Variants in PIEZO2 observed in about 807,000 individuals in gnomAD.
The protein encoded by PIEZO2 is piezo type mechanosensitive ion channel component 2.
PIEZO2 carries 172 observed loss-of-function variants against 337.3 expected under a neutral mutation model. The observed-to-expected ratio is 0.51, with a 90% CI of 0.45 to 0.58. PIEZO2 has a LOEUF of 0.58. Ranked by LOEUF, PIEZO2 falls within the 20% of genes least tolerant of loss-of-function variation. The pLI, the probability that PIEZO2 is intolerant of heterozygous loss-of-function variation, is 0.00. For synonymous variants in PIEZO2, 1,251 were observed against 1,228.5 expected (o/e 1.02, Z -0.38); for missense variants, 3,028 against 3,391.3 (o/e 0.89, Z 2.66).
rs1383434938 is a variant in PIEZO2 at position 10,982,394 on chromosome 18, A to G, written c.161-2734T>C. On this transcript the variant is annotated intron_variant, in intron 2 of 55. Coordinates refer to ENST00000674853, the MANE Select transcript of PIEZO2 (RefSeq NM_001378183.1). This position sits in a 1 kb window ranked among gnomAD's most constrained non-coding sequence, Gnocchi z 4.1. ...TAAAAAAAAAATAGAAAAACAAATAATAGGTATAAATAAGTGAAGAGATCT... is the reference window on the plus strand; with the variant it reads ...TAAAAAAAAAATAGAAAAACAAATAGTAGGTATAAATAAGTGAAGAGATCT... Among the ~76,000 whole-genome samples, 1 of 152,194 alleles carries G rather than the reference A, an allele frequency of 6.6e-6. No homozygotes were observed. Among genetic ancestry groups the G allele is most frequent in the Non-Finnish European group, 1.5e-5 (1 of 68,030 alleles).
At position 10,837,690 on chromosome 18, in the gene PIEZO2, C is replaced by CA. The variant is rs1201529330; in HGVS notation, c.917+17662dup. Among the ~76,000 whole-genome samples the CA allele has an allele frequency of 6.6e-6, 1 of 152,160 alleles. No homozygotes were observed. The highest frequency in any genetic ancestry group is 1.5e-5 in the Non-Finnish European group (1 of 68,034). ...ATACCATCAAAAAGGCATGGGTAGT[C>CA]AGATATCCTCACAAAGCAATGTTTG... On this transcript the variant is annotated intron_variant, in intron 7 of 55. Transcript: ENST00000674853. The surrounding 1 kb of genome is among the most constrained non-coding windows in gnomAD (Gnocchi z 4.4).
rs1315708102 is a variant in PIEZO2, at chr18:11,149,164, G to A, written c.-576C>T. 1.3e-5 allele frequency among the ~76,000 whole-genome samples: 2 copies of A among 152,152 alleles called. No homozygotes were observed. Among genetic ancestry groups the A allele is most frequent in the South Asian group, 2.1e-4 (1 of 4,818 alleles). ...CTCGGAGCTGCCCGGCGGGCTCCGG[G>A]TCTCGCCCTCCAGCCCCCAGGCGGC... On this transcript the variant is annotated 5_prime_UTR_variant, in exon 1 of 56. Coordinates refer to ENST00000674853, the MANE Select transcript of PIEZO2 (RefSeq NM_001378183.1). This position sits in a 1 kb window ranked among gnomAD's most constrained non-coding sequence, Gnocchi z 8.7.
At chr18:10,910,172 G>T (rs988995566) in intron 4 of PIEZO2, among the ~76,000 whole-genome samples, 2 of 152,194 alleles carry the variant, frequency 1.3e-5, no homozygotes, top group Admixed American at 1.3e-4. Flanking sequence ...AAATTAAAAT[G>T]ACTTTTTTTC....
At chr18:10,923,477 C>T (rs1247821872) in intron 3 of PIEZO2, among the ~76,000 whole-genome samples, 2 of 151,900 alleles carry the variant, frequency 1.3e-5, no homozygotes, top group African/African-American at 2.4e-5. Flanking sequence ...GACTGTGGTC[C>T]GGTGCAGCAG....
chr18:11,126,814 A>T lies in PIEZO2; in HGVS notation c.64+21711T>A, dbSNP rs551087111. On this transcript the variant is annotated intron_variant, in intron 1 of 55. Coordinates refer to ENST00000674853, the MANE Select transcript of PIEZO2 (RefSeq NM_001378183.1). This position sits in a 1 kb window ranked among gnomAD's most constrained non-coding sequence, Gnocchi z 4.6. Reference sequence around the variant, plus strand: ...CTATTTTTTTTTTAAAGCCCCAGTGACCCTATGAGGTAGTTACTTTTATTG... The same window carrying T: ...CTATTTTTTTTTTAAAGCCCCAGTGTCCCTATGAGGTAGTTACTTTTATTG... Among the ~76,000 whole-genome samples the T allele has an allele frequency of 2.0e-5, 3 of 151,952 alleles. No individual in the cohort carries two copies. The highest frequency in any genetic ancestry group is 4.4e-5 in the Non-Finnish European group (3 of 67,998).
chr18:11,142,432 C>T (rs1042836219), intron 1 of PIEZO2, among the ~76,000 whole-genome samples: 1 of 152,146 alleles, frequency 6.6e-6, no homozygotes, highest in Non-Finnish European at 1.5e-5. Context: ...TCTGGAAGGT[C>T]AAGTGGAAGC....
intron 51 of PIEZO2, 30 bp from the exon 52 acceptor site, chr18:10,680,401 T>G: frequency 6.3e-7 from 1 of 1,576,816 alleles, no homozygotes; most frequent in Non-Finnish European, 8.7e-7. Flanking sequence ...CATGCATAAA[T>G]AGATTATATG....
At chr18:11,093,138 T>C (rs1382272139) in intron 1 of PIEZO2, among the ~76,000 whole-genome samples, 2 of 152,174 alleles carry the variant, frequency 1.3e-5, no homozygotes, top group Non-Finnish European at 2.9e-5. Context: ...GTTAGGTAGC[T>C]TAGCTAAAAA....
chr18:10,695,098 T>C (rs1460157094), intron 47 of PIEZO2, among the ~76,000 whole-genome samples: 5 of 152,252 alleles, frequency 3.3e-5, no homozygotes, highest in Non-Finnish European at 7.3e-5. Flanking sequence ...TTTCATAACC[T>C]GACAAAGCAG....
At chr18:11,063,586 G>A (rs1410055639) in intron 2 of PIEZO2, among the ~76,000 whole-genome samples, 1 of 152,142 alleles carries the variant, frequency 6.6e-6, no homozygotes, top group African/African-American at 2.4e-5. Flanking sequence ...CAAATGGTGG[G>A]CAGAGGGCCA....
rs758177628 is a variant in PIEZO2 at position 10,936,959 on chromosome 18, C to T, written c.287-25731G>A. The stretch of plus-strand genomic sequence containing the variant: ...AATCCCCCCATGACTTCTTCCCTTA[C>T]GGTCCTGGAGATCTGGGAAGTTTTT... On this transcript the variant is annotated intron_variant, in intron 3 of 55. Transcript: ENST00000674853. Among the ~76,000 whole-genome samples the T allele has an allele frequency of 5.3e-4, 80 of 152,264 alleles. No homozygotes were observed. In the Middle Eastern group the frequency reaches 0.014, roughly 26 times the overall value.
At chr18:11,103,191 T>G (rs1237665270) in intron 1 of PIEZO2, among the ~76,000 whole-genome samples, 1 of 152,230 alleles carries the variant, frequency 6.6e-6, no homozygotes, top group Non-Finnish European at 1.5e-5. Context: ...ATAAAAACTA[T>G]GTGTTTTATA....
chr18:11,017,689 C>T (rs953429738), intron 2 of PIEZO2, among the ~76,000 whole-genome samples: 2 of 152,182 alleles, frequency 1.3e-5, no homozygotes, highest in Non-Finnish European at 2.9e-5. Flanking sequence ...CTTCCCTCTG[C>T]CTGGAACATT....
chr18:10,772,888 A>G (rs2038653324), intron 20 of PIEZO2, among the ~76,000 whole-genome samples: 3 of 152,218 alleles, frequency 2.0e-5, no homozygotes, highest in Admixed American at 2.0e-4. Flanking sequence ...AATATTGACA[A>G]AAACATCTCT....
At position 10,766,697 on chromosome 18, in the gene PIEZO2, C is replaced by T. The variant is rs1437659460; in HGVS notation, c.2946+3451G>A. Among the ~76,000 whole-genome samples the T allele has an allele frequency of 6.6e-6, 1 of 152,202 alleles. No individual in the cohort carries two copies. Among genetic ancestry groups the T allele is most frequent in the African/African-American group, 2.4e-5 (1 of 41,454 alleles). On this transcript the variant is annotated intron_variant, in intron 21 of 55. Coordinates refer to ENST00000674853, the MANE Select transcript of PIEZO2 (RefSeq NM_001378183.1). The surrounding 1 kb of genome is among the most constrained non-coding windows in gnomAD (Gnocchi z 6.1). ...GCAACCGCCTGCAAGAGATACTCCT[C>T]CCTGTGCAGCAAGTGCTCACTGTGG... is the stretch of plus-strand genomic sequence containing the variant.
At chr18:10,737,285 G>C (rs200398633) in intron 33 of PIEZO2, among the ~76,000 whole-genome samples, 1 of 64,216 alleles carries the variant, frequency 1.6e-5, no homozygotes, top group African/African-American at 1.3e-4. Context: ...CAAGACATTT[G>C]AAAAAAAAAA....
intron 1 of PIEZO2, among the ~76,000 whole-genome samples, chr18:11,115,470 G>A (rs1335435732): frequency 2.6e-5 from 4 of 152,246 alleles, no homozygotes; most frequent in East Asian, 1.9e-4. Context: ...TCCCAAATAC[G>A]GAAATGTTAG....
At position 10,682,040 on chromosome 18, in the gene PIEZO2, A is replaced by G. The variant is rs2034289234; in HGVS notation, c.7686+64T>C. On this transcript the variant is annotated intron_variant, in intron 50 of 55. Transcript: ENST00000674853. This position sits in a 1 kb window ranked among gnomAD's most constrained non-coding sequence, Gnocchi z 5.6. ...GCCCATGACTAAACACCCTACAGACAGCTATCATAAAGGAATGTGGCGTGG... is the reference window on the plus strand; with the variant it reads ...GCCCATGACTAAACACCCTACAGACGGCTATCATAAAGGAATGTGGCGTGG... 1.4e-6 allele frequency: 2 copies of G among 1,427,936 alleles called. No individual in the cohort carries two copies. The highest frequency in any genetic ancestry group is 1.9e-6 in the Non-Finnish European group (2 of 1,071,116). 88.5% of individuals were successfully genotyped at this position (1,427,936 alleles called of 1,614,324 possible).
At chr18:10,785,058 T>G in intron 16 of PIEZO2, 101 bp from the exon 17 acceptor site, 1 of 1,302,274 alleles carries the variant, frequency 7.7e-7, no homozygotes, top group Non-Finnish European at 1.0e-6. Context: ...TCCTGTCAGG[T>G]CTATCGTTTA....
Sources: gnomAD v4.1 joint callset for allele counts (sites outside exome capture counted in the v4.1 genomes callset) on GRCh38, gnomAD v4.1.1 for gene constraint, Gnocchi (gnomAD v3.1) non-coding constraint, MANE v1.5 for transcripts, NCBI Gene and HGNC (gene_info 2026-07-23, HGNC 2026-07-21) for gene names.